Variants in CACNB2 observed in about 807,000 individuals in gnomAD.
CACNB2 encodes the protein voltage-dependent L-type calcium channel subunit beta-2.
Under a neutral mutation model 73.3 loss-of-function variants are expected in CACNB2, and 42 were observed. The observed-to-expected ratio is 0.57, with a 90% CI of 0.45 to 0.74. The LOEUF (loss-of-function observed/expected upper bound fraction) is 0.74, where lower values mean the gene tolerates loss of function less well. CACNB2 is among the 30% of genes least tolerant of loss of function. The pLI is 0.00. For missense variants in CACNB2, 940 were observed against 853.0 expected, an observed-to-expected ratio of 1.10 and a Z score of -1.27; for synonymous variants, 348 against 310.3, an observed-to-expected ratio of 1.12 and a Z score of -1.28.
intron 2 of CACNB2, among the ~76,000 whole-genome samples, chr10:18,279,947 C>T (rs2038469179): frequency 1.3e-5 from 2 of 152,166 alleles, no homozygotes; most frequent in African/African-American, 4.8e-5. Flanking sequence ...AGCATGGTGG[C>T]ATGTGCCTGT....
chr10:18,183,680 T>C (rs1407334013), intron 2 of CACNB2, among the ~76,000 whole-genome samples: 1 of 152,168 alleles, frequency 6.6e-6, no homozygotes, highest in Non-Finnish European at 1.5e-5. Context: ...GTCCCTCCCA[T>C]GACATGCAGG....
chr10:18,346,288 C>T (rs879447672), intron 2 of CACNB2, among the ~76,000 whole-genome samples: 9 of 151,962 alleles, frequency 5.9e-5, no homozygotes, highest in Non-Finnish European at 1.3e-4. Context: ...TACAGGTGCC[C>T]GCCACCACGC....
chr10:18,229,685 T>C (rs766610063), intron 2 of CACNB2, among the ~76,000 whole-genome samples: 8 of 151,986 alleles, frequency 5.3e-5, no homozygotes, highest in Non-Finnish European at 8.8e-5. Flanking sequence ...AAGAAAACAC[T>C]CTTCTATGGT....
At chr10:18,147,660 CTG>C (rs2031122695) in intron 1 of CACNB2, among the ~76,000 whole-genome samples, 4 of 152,108 alleles carry the variant, frequency 2.6e-5, no homozygotes, top group Admixed American at 2.6e-4. Context: ...TTTAGAAAAA[CTG>C]TTCACAAAAG....
chr10:18,454,426 C>T (rs1399922147), intron 3 of CACNB2, among the ~76,000 whole-genome samples: 1 of 152,164 alleles, frequency 6.6e-6, no homozygotes, highest in Admixed American at 6.5e-5. Flanking sequence ...AAATTTCATA[C>T]CACAGACATG....
At position 18,394,971 on chromosome 10, in the gene CACNB2, A is replaced by G. The variant is rs992465923; in HGVS notation, c.214-6953A>G. Among the ~76,000 whole-genome samples, 3 of 152,198 alleles carry G rather than the reference A, an allele frequency of 2.0e-5. No individual in the cohort carries two copies. The East Asian group carries it at 5.8e-4, about 29-fold the overall frequency. On this transcript the variant is annotated intron_variant, in intron 2 of 13. Coordinates refer to ENST00000324631, the MANE Select transcript of CACNB2 (RefSeq NM_201596.3). Reference sequence around the variant, plus strand: ...CAGTAACGTGGAGTTCACTAACAACAACTTAAATGTAACTCCGAATTAAGG... The same window carrying G: ...CAGTAACGTGGAGTTCACTAACAACGACTTAAATGTAACTCCGAATTAAGG...
chr10:18,150,980 G>A lies in CACNB2; in HGVS notation c.213+5G>A, dbSNP rs12269084. 6.4e-7 allele frequency: 1 copy of A among 1,559,670 alleles called. No individual in the cohort carries two copies. The highest frequency in any genetic ancestry group is 8.8e-7 in the Non-Finnish European group (1 of 1,136,498). ...TCAAATAGTTTTGTTCGCCAGGTAA[G>A]AGTTTTAAGTTCATGGTTTTGATAA... is the stretch of plus-strand genomic sequence containing the variant. On this transcript the variant is annotated splice_donor_5th_base_variant and intron_variant, in intron 2 of 13. Transcript: ENST00000324631.
intron 2 of CACNB2, among the ~76,000 whole-genome samples, chr10:18,377,523 A>G (rs1395904640): frequency 6.6e-6 from 1 of 152,238 alleles, no homozygotes; most frequent in Non-Finnish European, 1.5e-5. Context: ...CCATGTTCCA[A>G]TAAAATTGTA....
Position 18,258,444 on chromosome 10 carries a change from G to A in CACNB2, c.213+107469G>A, listed in dbSNP as rs193127378. On this transcript the variant is annotated intron_variant, in intron 2 of 13. Coordinates refer to ENST00000324631, the MANE Select transcript of CACNB2 (RefSeq NM_201596.3). ...ATGAAGGGGCCTTAAGAAAAAACTT[G>A]AGGCCGGGCACGGTGGCTCACGCCT... Among the ~76,000 whole-genome samples the A allele has an allele frequency of 1.8e-3, 274 of 152,224 alleles. 4 individuals are homozygous for A. Among genetic ancestry groups the A allele is most frequent in the Middle Eastern group, 0.01 (3 of 294 alleles).
At position 18,340,985 on chromosome 10, in the gene CACNB2, T is replaced by C. The variant is rs2041210717; in HGVS notation, c.214-60939T>C. On this transcript the variant is annotated intron_variant, in intron 2 of 13. Transcript: ENST00000324631. ...AAATACATTATTCCTGGGGTAAGCA[T>C]ACGGGAGAGAAGCCGGCCAGATGCA... The C allele has an allele frequency of 1.9e-6, 3 of 1,613,960 alleles. No homozygotes were observed. The highest frequency in any genetic ancestry group is 2.7e-5 in the African/African-American group (2 of 74,908).
At chr10:18,361,862 C>G (rs2042156616) in intron 2 of CACNB2, among the ~76,000 whole-genome samples, 1 of 152,186 alleles carries the variant, frequency 6.6e-6, no homozygotes, top group Non-Finnish European at 1.5e-5. Context: ...ATCTGCCCGC[C>G]TCTACCTCCC....
intron 2 of CACNB2, among the ~76,000 whole-genome samples, chr10:18,220,114 TATATATATATATATATATA>T (rs1564353194): frequency 8.6e-4 from 33 of 38,172 alleles, no homozygotes; most frequent in East Asian, 6.1e-3. Flanking sequence ...TTTTTTAATA[TATATATATATATATATATA>T]TATATATATA....
At chr10:18,260,918 C>G in intron 2 of CACNB2, 1 of 1,154,302 alleles carries the variant, frequency 8.7e-7, no homozygotes, top group Non-Finnish European at 1.1e-6. Flanking sequence ...AAAGCGTCAC[C>G]AAGAAACTCT....
intron 2 of CACNB2, among the ~76,000 whole-genome samples, chr10:18,226,906 T>A (rs1346967839): frequency 6.6e-6 from 1 of 151,988 alleles, no homozygotes; most frequent in Non-Finnish European, 1.5e-5. Context: ...GTTGCTACTA[T>A]CCAGCCTGGG....
chr10:18,523,043 C>T (rs1396418335), intron 9 of CACNB2, among the ~76,000 whole-genome samples: 1 of 151,870 alleles, frequency 6.6e-6, no homozygotes. Flanking sequence ...TTTTAATTTT[C>T]CATATCTTTA....
At chr10:18,191,542 T>A (rs1282710688) in intron 2 of CACNB2, among the ~76,000 whole-genome samples, 1 of 152,208 alleles carries the variant, frequency 6.6e-6, no homozygotes, top group East Asian at 1.9e-4. Flanking sequence ...CACCATCACC[T>A]GAGCATTATA....
intron 1 of CACNB2, among the ~76,000 whole-genome samples, chr10:18,145,528 C>G (rs2030875735): frequency 6.6e-6 from 1 of 152,026 alleles, no homozygotes; most frequent in Non-Finnish European, 1.5e-5. Flanking sequence ...GTTGTTCTTA[C>G]AATATCATGC....
intron 1 of CACNB2, 47 bp from the exon 2 acceptor site, chr10:18,150,836 T>C: frequency 8.1e-7 from 1 of 1,228,602 alleles, no homozygotes; most frequent in Non-Finnish European, 1.1e-6. Flanking sequence ...TTAAAGGGTC[T>C]CATAATAATC....
Position 18,150,863 on chromosome 10 carries a change from T to TTTTTTTTTTTTTTTTTTTTTTTG in CACNB2, c.121-3_121-2insTTTTTGTTTTTTTTTTTTTTTTT. On this transcript the variant is annotated intron_variant, in intron 1 of 13. Transcript: ENST00000324631. ...ATAATAATCTTATTTGTCTTTTTTT[T>TTTTTTTTTTTTTTTTTTTTTTTG]TTTTTTTTTTTTTTTTTAGTCATAT... 1 of 1,009,658 alleles carries TTTTTTTTTTTTTTTTTTTTTTTG rather than the reference T, an allele frequency of 9.9e-7. No individual in the cohort carries two copies. The highest frequency in any genetic ancestry group is 2.9e-5 in the Admixed American group (1 of 34,124). 62.5% of individuals were successfully genotyped at this position (1,009,658 alleles called of 1,614,324 possible).
Sources: allele counts gnomAD v4.1 joint callset (sites outside exome capture counted in the v4.1 genomes callset), GRCh38; gene constraint gnomAD v4.1.1; transcripts MANE v1.5; gene names NCBI Gene and HGNC (gene_info 2026-07-23, HGNC 2026-07-21).